PAN3: variants seen among roughly 807,000 people sequenced by gnomAD.
The protein encoded by PAN3 is poly(A) specific ribonuclease subunit PAN3.
A neutral mutation model predicts 96.2 loss-of-function variants in PAN3; 19 were observed. The ratio of observed to expected loss-of-function variants is 0.20; its 90% CI spans 0.14 to 0.29. PAN3 has a LOEUF of 0.29. PAN3 is among the 10% of genes least tolerant of loss of function. The pLI is 1.00. For missense variants in PAN3, 882 were observed against 1,108.1 expected (o/e 0.80, Z 2.90); for synonymous variants, 433 against 406.6 (o/e 1.06, Z -0.78).
intron 1 of PAN3, among the ~76,000 whole-genome samples, chr13:28,165,920 A>G (rs1469962723): frequency 2.0e-5 from 3 of 152,114 alleles, no homozygotes; most frequent in Non-Finnish European, 4.4e-5. Flanking sequence ...TCATGACTTA[A>G]TCACCATCTA....
In PAN3 at chr13:28,270,855, T is replaced by G. The variant is rs758376186; in HGVS notation, c.1947T>G (p.Thr649=). Reference sequence around the variant, plus strand: ...TGGATCCAACAAAGATTCTGATAACTGGCAAAACAAGGTACTAGCATTTTG... The same window carrying G: ...TGGATCCAACAAAGATTCTGATAACGGGCAAAACAAGGTACTAGCATTTTG... ...RVMDPTKILI[T]GKTRLRVNCV... Residue 649 remains threonine, a synonymous_variant, in exon 13 of 19, where the codon ACT becomes ACG. Coordinates refer to ENST00000380958, the MANE Select transcript of PAN3 (RefSeq NM_175854.8). The G allele has an allele frequency of 3.5e-5, 56 of 1,613,464 alleles. No individual in the cohort carries two copies. The South Asian group carries it at 5.5e-4, about 16-fold the overall frequency.
At chr13:28,289,169 A>G (rs976875666) in intron 18 of PAN3, among the ~76,000 whole-genome samples, 6 of 152,232 alleles carry the variant, frequency 3.9e-5, no homozygotes, top group Non-Finnish European at 7.3e-5. Context: ...TAAAAGCACA[A>G]TACTAGTGAC....
chr13:28,243,762 C>A (rs1883899183), intron 6 of PAN3, among the ~76,000 whole-genome samples: 1 of 152,082 alleles, frequency 6.6e-6, no homozygotes, highest in Non-Finnish European at 1.5e-5. Context: ...GATCTCGGCT[C>A]CCTGTGAAGC....
At chr13:28,200,234 G>A (rs1299266185) in intron 5 of PAN3, among the ~76,000 whole-genome samples, 2 of 152,150 alleles carry the variant, frequency 1.3e-5, no homozygotes, top group African/African-American at 4.8e-5. Flanking sequence ...ATCCATAGTT[G>A]TATAGACACG....
intron 1 of PAN3, among the ~76,000 whole-genome samples, chr13:28,165,290 T>TC (rs1873392686): frequency 6.6e-6 from 1 of 150,406 alleles, no homozygotes; most frequent in African/African-American, 2.4e-5. Flanking sequence ...ATCCTTTTTT[T>TC]TTTTTTTTTT....
intron 9 of PAN3, among the ~76,000 whole-genome samples, chr13:28,264,033 T>G (rs113046213): frequency 0.014 from 2,155 of 152,298 alleles, 53 homozygotes; most frequent in African/African-American, 0.049. Flanking sequence ...AATATAGTTT[T>G]TGGCATCCTG....
At chr13:28,144,835 C>T (rs1472643431) in intron 1 of PAN3, among the ~76,000 whole-genome samples, 1 of 131,584 alleles carries the variant, frequency 7.6e-6, no homozygotes, top group Non-Finnish European at 1.5e-5. Context: ...GTTCTCCTGC[C>T]TCAGCTCCCA....
At chr13:28,234,825 T>G (rs928079597) in intron 6 of PAN3, among the ~76,000 whole-genome samples, 1 of 152,186 alleles carries the variant, frequency 6.6e-6, no homozygotes, top group Admixed American at 6.5e-5. Context: ...TTTGTGATCT[T>G]CATTTTCCAT....
At chr13:28,246,552 C>T (rs552058029) in intron 6 of PAN3, among the ~76,000 whole-genome samples, 9 of 152,156 alleles carry the variant, frequency 5.9e-5, no homozygotes, top group Admixed American at 1.3e-4. Context: ...TTTTTGTACC[C>T]GTTAACCAAC....
intron 6 of PAN3, among the ~76,000 whole-genome samples, chr13:28,255,323 A>G (rs1885049696): frequency 1.3e-5 from 2 of 152,116 alleles, no homozygotes; most frequent in African/African-American, 4.8e-5. Context: ...CCTTTGATTA[A>G]CGCTACCTGG....
intron 7 of PAN3, among the ~76,000 whole-genome samples, chr13:28,259,858 G>A (rs1885547989): frequency 1.3e-5 from 2 of 151,762 alleles, no homozygotes; most frequent in South Asian, 2.1e-4. Flanking sequence ...GGCTGGTCTC[G>A]AACTCCCAAC....
At chr13:28,174,058 T>C (rs1874639679) in intron 1 of PAN3, among the ~76,000 whole-genome samples, 1 of 152,212 alleles carries the variant, frequency 6.6e-6, no homozygotes, top group Admixed American at 6.5e-5. Flanking sequence ...AGAAAATAAA[T>C]TATTTCTGTG....
At chr13:28,218,161 T>C (rs956886189) in intron 5 of PAN3, among the ~76,000 whole-genome samples, 5 of 152,094 alleles carry the variant, frequency 3.3e-5, no homozygotes, top group African/African-American at 1.2e-4. Flanking sequence ...TGCATCTTTA[T>C]TGTTACATGT....
intron 5 of PAN3, chr13:28,215,990 G>T: frequency 1.4e-6 from 1 of 728,460 alleles, no homozygotes; most frequent in Non-Finnish European, 2.4e-6. Flanking sequence ...TAAGTTAATA[G>T]TAAAAGACTG....
intron 6 of PAN3, among the ~76,000 whole-genome samples, chr13:28,239,374 A>C (rs554341499): frequency 2.6e-5 from 4 of 152,086 alleles, no homozygotes; most frequent in Non-Finnish European, 5.9e-5. Flanking sequence ...TTTGTTAGCT[A>C]TTTAACAATC....
intron 18 of PAN3, among the ~76,000 whole-genome samples, chr13:28,289,115 C>T (rs371689398): frequency 1.1e-4 from 16 of 152,110 alleles, no homozygotes; most frequent in South Asian, 4.2e-4. Context: ...CATGAGCCAC[C>T]GCACCCGGCC....
Position 28,236,581 on chromosome 13 carries a change from CTG to C in PAN3, c.1000+16205_1000+16206del, listed in dbSNP as rs562243378. ...TAAAGGAAGGATAAGATTTTTTTAT[CTG>C]TTTTAAAAATGGGCAGTTGAGAGTC... On this transcript the variant is annotated intron_variant, in intron 6 of 18. Coordinates refer to ENST00000380958, the MANE Select transcript of PAN3 (RefSeq NM_175854.8). 2.6e-5 allele frequency among the ~76,000 whole-genome samples: 4 copies of C among 152,210 alleles called. No individual in the cohort carries two copies. The South Asian group carries it at 8.3e-4, about 32-fold the overall frequency.
chr13:28,267,456 A>T, intron 12 of PAN3, 55 bp downstream of exon 12: 1 of 1,386,794 alleles, frequency 7.2e-7, no homozygotes, highest in Non-Finnish European at 1.0e-6. Flanking sequence ...GCTCTGTGGA[A>T]GAGTAGTTTT....
intron 5 of PAN3, among the ~76,000 whole-genome samples, chr13:28,205,959 A>G (rs932500598): frequency 1.3e-5 from 2 of 151,524 alleles, no homozygotes; most frequent in African/African-American, 2.4e-5. Context: ...TCTCAGACAA[A>G]TAGGTGTTTG....
Sources: gnomAD v4.1 joint callset for allele counts (sites outside exome capture counted in the v4.1 genomes callset) on GRCh38, gnomAD v4.1.1 for gene constraint, MANE v1.5 for transcripts, NCBI Gene and HGNC (gene_info 2026-07-23, HGNC 2026-07-21) for gene names.